Variants in KATNAL1 observed in about 807,000 individuals in gnomAD.
KATNAL1 encodes the protein katanin p60 ATPase-containing subunit A-like 1.
In KATNAL1, 32 loss-of-function variants were observed where a neutral mutation model predicts 55.2. That is an observed-to-expected ratio of 0.58 (90% confidence interval 0.44 to 0.78). The LOEUF (loss-of-function observed/expected upper bound fraction) is 0.78. Ranked by LOEUF, KATNAL1 falls within the 30% of genes least tolerant of loss-of-function variation. The pLI is 0.00. For synonymous variants in KATNAL1, 193 were observed against 193.6 expected (o/e 1.00, Z 0.02); for missense variants, 466 against 600.9 (o/e 0.78, Z 2.35).
At chr13:30,274,660 T>C (rs1004826273) in intron 3 of KATNAL1, among the ~76,000 whole-genome samples, 1 of 152,118 alleles carries the variant, frequency 6.6e-6, no homozygotes, top group African/African-American at 2.4e-5. Flanking sequence ...TAAAGAACAG[T>C]ATGGAGAGTC....
rs1882992108 is a variant in KATNAL1, at chr13:30,303,523, C to G, written c.-15+3808G>C. Among the ~76,000 whole-genome samples the G allele has an allele frequency of 2.0e-5, 3 of 152,304 alleles. No homozygotes were observed. The South Asian group carries it at 6.2e-4, about 32-fold the overall frequency. ...AAGGCTGCTGTGAGCTATGACTGCACCATTGCATTCCAGCCTAGGTGACAG... is the reference window on the plus strand; with the variant it reads ...AAGGCTGCTGTGAGCTATGACTGCAGCATTGCATTCCAGCCTAGGTGACAG... On this transcript the variant is annotated intron_variant, in intron 1 of 10. Coordinates refer to ENST00000380615, the MANE Select transcript of KATNAL1 (RefSeq NM_032116.5).
chr13:30,280,352 A>C, intron 2 of KATNAL1, 129 bp from the exon 3 acceptor site: 1 of 636,096 alleles, frequency 1.6e-6, no homozygotes, highest in Non-Finnish European at 2.4e-6. Context: ...TAAAACATTC[A>C]TAAATACAAA....
intron 3 of KATNAL1, among the ~76,000 whole-genome samples, chr13:30,269,143 A>G (rs1880023543): frequency 1.3e-5 from 2 of 151,652 alleles, no homozygotes; most frequent in African/African-American, 4.9e-5. Context: ...CCGAAGCTGG[A>G]CTGTACTGCT....
At chr13:30,261,805 T>C (rs1276000383) in intron 3 of KATNAL1, among the ~76,000 whole-genome samples, 2 of 152,006 alleles carry the variant, frequency 1.3e-5, no homozygotes, top group Non-Finnish European at 2.9e-5. Context: ...ATTAGACAGA[T>C]CAACGAGACA....
At chr13:30,230,368 T>C (rs1875974359) in intron 8 of KATNAL1, 100 bp downstream of exon 8, 1 of 1,055,588 alleles carries the variant, frequency 9.5e-7, no homozygotes, top group African/African-American at 1.6e-5. Context: ...AATGAACAAA[T>C]AATTAAACTC....
At chr13:30,280,490 TC>T (rs1446403120) in intron 2 of KATNAL1, among the ~76,000 whole-genome samples, 1 of 152,156 alleles carries the variant, frequency 6.6e-6, no homozygotes, top group African/African-American at 2.4e-5. Context: ...AACGTGATGA[TC>T]ATTAATACAA....
chr13:30,227,500 C>G lies in KATNAL1; in HGVS notation c.1059G>C (p.Met353Ile). 3 of 1,613,910 alleles carry G rather than the reference C, an allele frequency of 1.9e-6. No individual in the cohort carries two copies. The highest frequency in any genetic ancestry group is 2.5e-6 in the Non-Finnish European group (3 of 1,179,846). ...ACGGGAAATTAGTAGCAGCCAATAC[C>G]ATAACCATTTTGGAAGGATCATCAT... is the stretch of plus-strand genomic sequence containing the variant. ...LENDDPSKMV[M>I]VLAATNFPWD... The change falls in exon 9 of 11, where the codon ATG becomes ATC. Residue 353 changes from methionine (M) to isoleucine (I), a missense_variant. Around this residue, in one of 3 missense-constraint regions of KATNAL1, gnomAD observed 213 missense variants for 308.6 expected, o/e 0.69. Coordinates refer to ENST00000380615, the MANE Select transcript of KATNAL1 (RefSeq NM_032116.5).
chr13:30,233,201 T>C (rs573394116), intron 6 of KATNAL1, among the ~76,000 whole-genome samples: 5 of 152,168 alleles, frequency 3.3e-5, no homozygotes, highest in African/African-American at 1.2e-4. Flanking sequence ...ATATGCAAAA[T>C]ATCCATCTGA....
chr13:30,296,485 G>C, intron 1 of KATNAL1: 1 of 741,338 alleles, frequency 1.3e-6, no homozygotes, highest in Admixed American at 1.8e-5. Context: ...GAGGATTACG[G>C]TGAGCTGAAA....
At chr13:30,297,795 T>C (rs1389223272) in intron 1 of KATNAL1, among the ~76,000 whole-genome samples, 2 of 152,084 alleles carry the variant, frequency 1.3e-5, no homozygotes, top group Non-Finnish European at 2.9e-5. Flanking sequence ...TATTCTTACA[T>C]ATAAGTGGGA....
Position 30,205,756 on chromosome 13 carries a change from G to C in KATNAL1, c.*2784C>G, listed in dbSNP as rs879447828. 0.028 allele frequency: 2,895 copies of C among 103,976 alleles called. 58 individuals carry two copies. The highest frequency in any genetic ancestry group is 0.036 in the Non-Finnish European group (1,973 of 54,902). 6.4% of individuals were successfully genotyped at this position (103,976 alleles called of 1,614,324 possible). On this transcript the variant is annotated 3_prime_UTR_variant, in exon 11 of 11. Transcript: ENST00000380615. The stretch of plus-strand genomic sequence containing the variant: ...CTGTCTTCTGCAATAAAGACTGTGT[G>C]TGTGTGTGTGTGTGTGTGTGTGTGT...
chr13:30,253,084 G>C (rs1010150237), intron 4 of KATNAL1, among the ~76,000 whole-genome samples: 5 of 152,120 alleles, frequency 3.3e-5, no homozygotes, highest in African/African-American at 7.2e-5. Flanking sequence ...AGCAGAAGTG[G>C]GTATCTATTA....
intron 3 of KATNAL1, among the ~76,000 whole-genome samples, chr13:30,275,694 G>A (rs527965637): frequency 6.6e-6 from 1 of 152,228 alleles, no homozygotes; most frequent in African/African-American, 2.4e-5. Flanking sequence ...TAAGAGGGTA[G>A]ATCTTAAGTG....
intron 4 of KATNAL1, among the ~76,000 whole-genome samples, chr13:30,253,950 C>A (rs1878569675): frequency 6.6e-6 from 1 of 152,196 alleles, no homozygotes. Context: ...ACCACAGTTT[C>A]TTCATCTGTA....
chr13:30,286,777 A>C (rs1881816389), intron 1 of KATNAL1, among the ~76,000 whole-genome samples: 1 of 152,228 alleles, frequency 6.6e-6, no homozygotes, highest in African/African-American at 2.4e-5. Context: ...CAGCTGTGAA[A>C]GCAGCCAGAA....
At chr13:30,305,093 C>G (rs1034811914) in intron 1 of KATNAL1, among the ~76,000 whole-genome samples, 1 of 152,166 alleles carries the variant, frequency 6.6e-6, no homozygotes, top group Non-Finnish European at 1.5e-5. Context: ...CTCCCAGGTC[C>G]ATTCTCTACA....
intron 9 of KATNAL1, chr13:30,210,790 C>CA (rs147337706): frequency 9.9e-4 from 153 of 155,064 alleles, no homozygotes; most frequent in East Asian, 2.0e-3. Context: ...AAATGCTTCT[C>CA]AAAAAAAAAA....
At position 30,301,440 on chromosome 13, in the gene KATNAL1, T is replaced by C. The variant is rs190874191; in HGVS notation, c.-15+5891A>G. ...AATACCCTTTTTAGCACAAAAATAA[T>C]AGTAGCGATGTTTATTGAATGCTAA... is the stretch of plus-strand genomic sequence containing the variant. On this transcript the variant is annotated intron_variant, in intron 1 of 10. Coordinates refer to ENST00000380615, the MANE Select transcript of KATNAL1 (RefSeq NM_032116.5). 2.3e-4 allele frequency among the ~76,000 whole-genome samples: 35 copies of C among 152,262 alleles called. No individual in the cohort carries two copies. In the East Asian group the frequency reaches 6.4e-3, roughly 28 times the overall value.
intron 3 of KATNAL1, among the ~76,000 whole-genome samples, chr13:30,278,006 A>G (rs1880989416): frequency 6.9e-6 from 1 of 144,776 alleles, no homozygotes; most frequent in African/African-American, 2.5e-5. Context: ...AAAAAAAAAA[A>G]AAAAAGATTT....
Sources: allele counts gnomAD v4.1 joint callset (sites outside exome capture counted in the v4.1 genomes callset), GRCh38; gene constraint gnomAD v4.1.1; regional missense constraint gnomAD v4.1.1; transcripts MANE v1.5; gene names NCBI Gene and HGNC (gene_info 2026-07-23, HGNC 2026-07-21).